The following NAALADL2 variants were observed in gnomAD, a reference collection of about 807,000 sequenced individuals.
NAALADL2 encodes the protein N-acetylated alpha-linked acidic dipeptidase like 2, also known as inactive N-acetylated-alpha-linked acidic dipeptidase-like protein 2.
Under a neutral mutation model 87.2 loss-of-function variants are expected in NAALADL2, and 76 were observed. That is an observed-to-expected ratio of 0.87 (90% CI 0.72 to 1.05). NAALADL2 has a LOEUF of 1.05. Ranked by LOEUF, NAALADL2 falls within the 50% of genes least tolerant of loss-of-function variation. The pLI, the probability that NAALADL2 is intolerant of heterozygous loss-of-function variation, is 0.00. For missense variants in NAALADL2, 1,089 were observed against 945.8 expected (o/e 1.15, Z -1.99); for synonymous variants, 354 against 331.0 (o/e 1.07, Z -0.75).
chr3:175,729,683 C>T (rs5017492), intron 11 of NAALADL2, among the ~76,000 whole-genome samples: 36,439 of 151,854 alleles, frequency 0.24, 4,586 homozygotes, highest in Middle Eastern at 0.33. Flanking sequence ...CTACAGTCTC[C>T]GAATCTGTTG....
At chr3:174,476,914 T>G (rs534724963) in intron 1 of NAALADL2, among the ~76,000 whole-genome samples, 2 of 152,046 alleles carry the variant, frequency 1.3e-5, no homozygotes, top group Non-Finnish European at 2.9e-5. Flanking sequence ...ACTCTAAATA[T>G]CTAAGGGAAG....
chr3:175,417,398 G>T (rs1456268658), intron 5 of NAALADL2, among the ~76,000 whole-genome samples: 3 of 151,840 alleles, frequency 2.0e-5, no homozygotes, highest in Non-Finnish European at 4.4e-5. Flanking sequence ...AAAGTGTTTT[G>T]CATTTAATAC....
At chr3:175,399,111 A>T (rs1248672832) in intron 5 of NAALADL2, among the ~76,000 whole-genome samples, 1 of 152,100 alleles carries the variant, frequency 6.6e-6, no homozygotes, top group Non-Finnish European at 1.5e-5. Flanking sequence ...TACCTAAGTT[A>T]AAAAGAAAAA....
chr3:175,690,223 G>A (rs1024791172), intron 11 of NAALADL2, among the ~76,000 whole-genome samples: 2 of 152,118 alleles, frequency 1.3e-5, no homozygotes, highest in Non-Finnish European at 2.9e-5. Flanking sequence ...GTGACTATAA[G>A]AGGTGAAACA....
chr3:175,583,120 C>G (rs1720019119), intron 10 of NAALADL2, among the ~76,000 whole-genome samples: 1 of 152,176 alleles, frequency 6.6e-6, no homozygotes, highest in Admixed American at 6.5e-5. Context: ...ACTCAGAACT[C>G]TTTCGGTACA....
Position 175,597,956 on chromosome 3 carries a change from A to G in NAALADL2, c.1800+21769A>G, listed in dbSNP as rs183491294. Among the ~76,000 whole-genome samples the G allele has an allele frequency of 5.9e-3, 892 of 152,064 alleles. 6 individuals carry two copies. The highest frequency in any genetic ancestry group is 8.0e-3 in the Non-Finnish European group (541 of 67,880). ...CTTAAAGAATATGAACATTATCTCT[A>G]TTCTCTCCCTACATGTGTATATGTG... On this transcript the variant is annotated intron_variant, in intron 10 of 13. Transcript: ENST00000454872.
At chr3:175,788,020 G>C (rs1283120914) in intron 13 of NAALADL2, among the ~76,000 whole-genome samples, 1 of 150,772 alleles carries the variant, frequency 6.6e-6, no homozygotes, top group Admixed American at 6.6e-5. Flanking sequence ...GATTCAAACA[G>C]AGAAACTTCC....
At chr3:175,640,668 T>G (rs760735494) in intron 11 of NAALADL2, among the ~76,000 whole-genome samples, 8 of 152,198 alleles carry the variant, frequency 5.3e-5, no homozygotes, top group Non-Finnish European at 1.0e-4. Flanking sequence ...TAGCATTAAC[T>G]GTCTTACCCA....
intron 1 of NAALADL2, among the ~76,000 whole-genome samples, chr3:174,929,125 G>A (rs1312484366): frequency 6.6e-6 from 1 of 152,216 alleles, no homozygotes; most frequent in Non-Finnish European, 1.5e-5. Context: ...CAGCGTCACA[G>A]CATTCCAAGG....
intron 1 of NAALADL2, among the ~76,000 whole-genome samples, chr3:175,078,107 C>A (rs917046998): frequency 1.3e-5 from 2 of 151,962 alleles, no homozygotes; most frequent in Non-Finnish European, 2.9e-5. Context: ...TCACTGCAAC[C>A]TCTGCCTCCC....
chr3:175,109,094 T>C (rs1329976870), intron 2 of NAALADL2, among the ~76,000 whole-genome samples: 1 of 151,882 alleles, frequency 6.6e-6, no homozygotes, highest in Non-Finnish European at 1.5e-5. Flanking sequence ...TTTTAAATTA[T>C]ATTTCAATCA....
At chr3:174,526,801 C>T (rs1242415412) in intron 1 of NAALADL2, among the ~76,000 whole-genome samples, 2 of 151,728 alleles carry the variant, frequency 1.3e-5, no homozygotes, top group East Asian at 3.9e-4. Flanking sequence ...CTCAACCTCC[C>T]GAGTAACTGG....
At chr3:174,753,776 A>G (rs971441480) in intron 3 of NAALADL2, among the ~76,000 whole-genome samples, 2 of 152,148 alleles carry the variant, frequency 1.3e-5, no homozygotes, top group African/African-American at 2.4e-5. Flanking sequence ...TTCCAAATTC[A>G]TATGTTGAAG....
intron 1 of NAALADL2, among the ~76,000 whole-genome samples, chr3:174,991,061 T>G (rs924053730): frequency 1.8e-4 from 28 of 152,204 alleles, no homozygotes; most frequent in African/African-American, 6.8e-4. Context: ...CAACCCTTCT[T>G]TTCCTTGTAA....
At chr3:175,611,891 T>C (rs1448145734) in intron 10 of NAALADL2, among the ~76,000 whole-genome samples, 2 of 152,176 alleles carry the variant, frequency 1.3e-5, no homozygotes, top group African/African-American at 2.4e-5. Context: ...TTCAGTTAAA[T>C]GGAATTTTTG....
At chr3:174,656,786 A>G (rs991125631) in intron 2 of NAALADL2, among the ~76,000 whole-genome samples, 6 of 152,104 alleles carry the variant, frequency 3.9e-5, no homozygotes, top group Admixed American at 3.9e-4. Flanking sequence ...TTTCCAAACT[A>G]AAAATAGTAG....
At chr3:174,843,100 A>T (rs1055753287) in intron 3 of NAALADL2, among the ~76,000 whole-genome samples, 4 of 152,166 alleles carry the variant, frequency 2.6e-5, no homozygotes, top group Non-Finnish European at 5.9e-5. Context: ...TCATTTCTGT[A>T]TAGTAAGACC....
intron 1 of NAALADL2, among the ~76,000 whole-genome samples, chr3:175,007,991 T>C (rs112005632): frequency 0.022 from 3,399 of 152,216 alleles, 54 homozygotes; most frequent in Non-Finnish European, 0.034. Context: ...TGTAGATACA[T>C]TGGGCAAAGA....
intron 3 of NAALADL2, among the ~76,000 whole-genome samples, chr3:175,253,304 C>T (rs544166037): frequency 6.6e-6 from 1 of 152,236 alleles, no homozygotes; most frequent in East Asian, 1.9e-4. Context: ...GCTAAGCCTA[C>T]CCTGCTGTGC....
Sources: allele counts gnomAD v4.1 joint callset (sites outside exome capture counted in the v4.1 genomes callset), GRCh38; gene constraint gnomAD v4.1.1; transcripts MANE v1.5; gene names NCBI Gene and HGNC (gene_info 2026-07-23, HGNC 2026-07-21).